GPC5: variants seen among roughly 807,000 people sequenced by gnomAD.
GPC5 encodes glypican 5, also known as glypican-5.
Under a neutral mutation model 53.9 loss-of-function variants are expected in GPC5, and 47 were observed. That is an observed-to-expected ratio of 0.87 (90% CI 0.69 to 1.11). GPC5 has a LOEUF of 1.11. GPC5 is among the 50% of genes most tolerant of loss of function. The pLI is 0.00. For missense variants in GPC5, 748 were observed against 713.1 expected, an observed-to-expected ratio of 1.05 and a Z score of -0.56; for synonymous variants, 286 against 263.3, an observed-to-expected ratio of 1.09 and a Z score of -0.84.
intron 1 of GPC5, among the ~76,000 whole-genome samples, chr13:91,440,765 T>C (rs1880361862): frequency 6.6e-6 from 1 of 152,242 alleles, no homozygotes; most frequent in Non-Finnish European, 1.5e-5. Context: ...CGGTTTGGAC[T>C]CAAACTGTCA....
intron 7 of GPC5, among the ~76,000 whole-genome samples, chr13:92,344,769 G>A (rs1238006045): frequency 6.6e-6 from 1 of 152,078 alleles, no homozygotes; most frequent in Non-Finnish European, 1.5e-5. Context: ...CAACAATGTG[G>A]GGCAGAAATA....
chr13:92,276,604 T>C (rs2042877634), intron 7 of GPC5, among the ~76,000 whole-genome samples: 1 of 152,088 alleles, frequency 6.6e-6, no homozygotes, highest in Non-Finnish European at 1.5e-5. Context: ...GAGTGCTAGC[T>C]TTATTACCTT....
chr13:91,837,536 C>A (rs568712640), intron 5 of GPC5, among the ~76,000 whole-genome samples: 75 of 152,220 alleles, frequency 4.9e-4, no homozygotes, highest in Admixed American at 2.8e-3. Context: ...AAGGAAAAAA[C>A]CAAAATATCA....
At chr13:91,456,330 A>G (rs1305404445) in intron 2 of GPC5, among the ~76,000 whole-genome samples, 1 of 151,898 alleles carries the variant, frequency 6.6e-6, no homozygotes, top group African/African-American at 2.4e-5. Context: ...AGTTCATTTT[A>G]TATTTCCAAA....
At chr13:91,942,863 T>C (rs972755871) in intron 6 of GPC5, among the ~76,000 whole-genome samples, 5 of 152,090 alleles carry the variant, frequency 3.3e-5, no homozygotes, top group African/African-American at 1.2e-4. Flanking sequence ...CTACAATAAT[T>C]ATACATGAAA....
At chr13:92,226,112 T>C (rs372801193) in intron 7 of GPC5, among the ~76,000 whole-genome samples, 59 of 152,278 alleles carry the variant, frequency 3.9e-4, no homozygotes, top group African/African-American at 1.3e-3. Flanking sequence ...GCTCTCTCTC[T>C]CCTGCCACAA....
At chr13:92,521,577 T>C (rs1030585315) in intron 7 of GPC5, among the ~76,000 whole-genome samples, 13 of 152,172 alleles carry the variant, frequency 8.5e-5, no homozygotes, top group Non-Finnish European at 1.6e-4. Flanking sequence ...TAGTCATATG[T>C]AGAAAGCTGA....
At chr13:92,191,696 C>A (rs2042223805) in intron 7 of GPC5, among the ~76,000 whole-genome samples, 1 of 152,084 alleles carries the variant, frequency 6.6e-6, no homozygotes, top group Non-Finnish European at 1.5e-5. Flanking sequence ...AAGAAGTAAG[C>A]TATCAAGTTA....
chr13:91,512,247 C>A (rs79352186), intron 2 of GPC5, among the ~76,000 whole-genome samples: 1 of 152,200 alleles, frequency 6.6e-6, no homozygotes, highest in Non-Finnish European at 1.5e-5. Context: ...TTACGTAGTG[C>A]AGCTGGTAGT....
chr13:92,142,962 C>T (rs1566454055), intron 6 of GPC5, among the ~76,000 whole-genome samples: 1 of 151,956 alleles, frequency 6.6e-6, no homozygotes, highest in Non-Finnish European at 1.5e-5. Context: ...TTAATGTGTT[C>T]TGGATATTTA....
intron 6 of GPC5, among the ~76,000 whole-genome samples, chr13:92,085,193 G>A (rs1285762816): frequency 2.0e-5 from 3 of 152,106 alleles, no homozygotes; most frequent in South Asian, 2.1e-4. Flanking sequence ...AGCACGAGTC[G>A]ATATGTTTCT....
chr13:92,074,169 C>G (rs1219052420), intron 6 of GPC5, among the ~76,000 whole-genome samples: 1 of 152,094 alleles, frequency 6.6e-6, no homozygotes, highest in African/African-American at 2.4e-5. Flanking sequence ...GAAGCCAAAT[C>G]GCTGTAGATG....
chr13:91,858,609 T>C (rs2038992594), intron 5 of GPC5, among the ~76,000 whole-genome samples: 1 of 152,042 alleles, frequency 6.6e-6, no homozygotes, highest in African/African-American at 2.4e-5. Flanking sequence ...TCACCAGGGA[T>C]ATTTCCCTGT....
At chr13:92,745,913 TTTTTCC>T (rs1195972116) in intron 7 of GPC5, among the ~76,000 whole-genome samples, 2 of 152,148 alleles carry the variant, frequency 1.3e-5, no homozygotes, top group African/African-American at 2.4e-5. Flanking sequence ...TGATTTATTC[TTTTTCC>T]TTTTTATGGA....
chr13:91,711,346 A>G (rs1359864902), intron 3 of GPC5, among the ~76,000 whole-genome samples: 2 of 152,142 alleles, frequency 1.3e-5, no homozygotes. Context: ...TCAGCAAACT[A>G]TCACAAGGAC....
chr13:92,315,546 T>A (rs369264475), intron 7 of GPC5, among the ~76,000 whole-genome samples: 1 of 152,200 alleles, frequency 6.6e-6, no homozygotes, highest in Non-Finnish European at 1.5e-5. Context: ...GTTGTGTTTG[T>A]TCTCAAGTGT....
chr13:91,989,861 A>T (rs1052298787), intron 6 of GPC5, among the ~76,000 whole-genome samples: 1 of 151,922 alleles, frequency 6.6e-6, no homozygotes, highest in Admixed American at 6.6e-5. Context: ...TTATTACTCT[A>T]ATTTAATAAC....
At chr13:92,405,884 A>G (rs1875774760) in intron 7 of GPC5, among the ~76,000 whole-genome samples, 1 of 152,222 alleles carries the variant, frequency 6.6e-6, no homozygotes, top group Non-Finnish European at 1.5e-5. Context: ...CTGGTGTTTT[A>G]GATTTGACCT....
In GPC5 at chr13:92,486,454, A is replaced by AT. The variant is rs530551156; in HGVS notation, c.1561+341471dup. ...AACTTGCTTCCTAAAGTGTGATGTA[A>AT]TTTTTTAAATAAAGAGGAAAAAATT... On this transcript the variant is annotated intron_variant, in intron 7 of 7. Transcript: ENST00000377067. 2.8e-3 allele frequency among the ~76,000 whole-genome samples: 423 copies of AT among 152,306 alleles called. 3 individuals are homozygous for AT. Among genetic ancestry groups the AT allele is most frequent in the African/African-American group, 9.8e-3 (407 of 41,570 alleles).
Sources: allele counts gnomAD v4.1 joint callset (sites outside exome capture counted in the v4.1 genomes callset), GRCh38; gene constraint gnomAD v4.1.1; transcripts MANE v1.5; gene names NCBI Gene and HGNC (gene_info 2026-07-23, HGNC 2026-07-21).